RERG: variants seen among roughly 807,000 people sequenced by gnomAD.
The protein encoded by RERG is ras-related and estrogen-regulated growth inhibitor.
In RERG, 25 loss-of-function variants were observed where a neutral mutation model predicts 23.2. The ratio of observed to expected loss-of-function variants is 1.08; its 90% CI spans 0.79 to 1.50. RERG has a LOEUF of 1.50. Among genes scored for constraint, RERG ranks in the 40% most tolerant of loss-of-function variants. RERG has a pLI of 0.00. For synonymous variants in RERG, 81 were observed against 89.1 expected, an observed-to-expected ratio of 0.91 and a Z score of 0.51; for missense variants, 253 against 250.1, an observed-to-expected ratio of 1.01 and a Z score of -0.08.
At chr12:15,136,352 T>G (rs1224236303) in intron 2 of RERG, among the ~76,000 whole-genome samples, 3 of 152,036 alleles carry the variant, frequency 2.0e-5, no homozygotes, top group Non-Finnish European at 4.4e-5. Flanking sequence ...AATGTTTAGT[T>G]TTGTTAATTT....
intron 2 of RERG, among the ~76,000 whole-genome samples, chr12:15,182,503 A>C (rs971921733): frequency 6.6e-6 from 1 of 152,148 alleles, no homozygotes; most frequent in African/African-American, 2.4e-5. Context: ...AAATAATCGA[A>C]TATTGACTCA....
intron 2 of RERG, among the ~76,000 whole-genome samples, chr12:15,212,753 T>C (rs1591672724): frequency 6.6e-6 from 1 of 152,160 alleles, no homozygotes; most frequent in African/African-American, 2.4e-5. Context: ...TTATTATATA[T>C]ATGTGAGATC....
rs545512815 is a variant in RERG, at chr12:15,181,244, C to G, written c.61+36185G>C. Among the ~76,000 whole-genome samples the G allele has an allele frequency of 5.6e-4, 85 of 152,322 alleles. 2 individuals are homozygous for G. The South Asian group carries it at 0.017, about 30-fold the overall frequency. On this transcript the variant is annotated intron_variant, in intron 2 of 4. Coordinates refer to ENST00000256953, the MANE Select transcript of RERG (RefSeq NM_032918.3). Reference sequence around the variant, plus strand: ...ATGTGGATTTAACCCAGAAACCCAACAGCCAGCAAGCTAGTCTTCTTCATC... The same window carrying G: ...ATGTGGATTTAACCCAGAAACCCAAGAGCCAGCAAGCTAGTCTTCTTCATC...
intron 2 of RERG, among the ~76,000 whole-genome samples, chr12:15,166,742 A>G (rs1289207425): frequency 6.7e-6 from 1 of 150,278 alleles, no homozygotes; most frequent in Non-Finnish European, 1.5e-5. Flanking sequence ...TGTGTCAACC[A>G]CTATACTGCC....
At chr12:15,133,847 A>G (rs1395552752) in intron 2 of RERG, among the ~76,000 whole-genome samples, 3 of 152,126 alleles carry the variant, frequency 2.0e-5, no homozygotes, top group African/African-American at 7.2e-5. Flanking sequence ...CAATTCCTAA[A>G]TGATACATGA....
At chr12:15,156,716 C>T (rs534869468) in intron 2 of RERG, among the ~76,000 whole-genome samples, 27 of 152,148 alleles carry the variant, frequency 1.8e-4, no homozygotes, top group African/African-American at 6.0e-4. Flanking sequence ...CATTGCTTTG[C>T]GAGTCCTCAG....
chr12:15,198,471 A>G (rs986859806), intron 2 of RERG, among the ~76,000 whole-genome samples: 4 of 152,166 alleles, frequency 2.6e-5, no homozygotes, highest in South Asian at 4.1e-4. Flanking sequence ...ATAGGCTCAG[A>G]AACTTCACTC....
intron 2 of RERG, among the ~76,000 whole-genome samples, chr12:15,207,241 T>C (rs2136145010): frequency 6.6e-6 from 1 of 152,186 alleles, no homozygotes; most frequent in South Asian, 2.1e-4. Flanking sequence ...AAAACAAACA[T>C]TTCCAGATGA....
At chr12:15,130,084 T>C (rs1864018991) in intron 2 of RERG, among the ~76,000 whole-genome samples, 1 of 152,202 alleles carries the variant, frequency 6.6e-6, no homozygotes, top group Non-Finnish European at 1.5e-5. Flanking sequence ...ATGTAGAGAA[T>C]TGCCATCCAT....
intron 3 of RERG, among the ~76,000 whole-genome samples, chr12:15,114,911 C>T (rs1043858860): frequency 6.6e-6 from 1 of 152,110 alleles, no homozygotes; most frequent in African/African-American, 2.4e-5. Flanking sequence ...TGAGAACCAC[C>T]AATTTAAAGG....
intron 2 of RERG, among the ~76,000 whole-genome samples, chr12:15,162,562 T>TTACATAAA (rs1247664096): frequency 1.3e-5 from 2 of 152,152 alleles, no homozygotes; most frequent in Non-Finnish European, 2.9e-5. Context: ...TATACATCCA[T>TTACATAAA]TGGTCAAAAC....
chr12:15,135,947 A>G (rs1392766460), intron 2 of RERG, among the ~76,000 whole-genome samples: 2 of 151,940 alleles, frequency 1.3e-5, no homozygotes, highest in African/African-American at 2.4e-5. Flanking sequence ...CTTTGCTTCT[A>G]TTTTCTGGAA....
chr12:15,137,139 A>T (rs907409643), intron 2 of RERG, among the ~76,000 whole-genome samples: 3 of 151,782 alleles, frequency 2.0e-5, no homozygotes, highest in Non-Finnish European at 4.4e-5. Context: ...TGGATAATTA[A>T]CCCTTTTATC....
chr12:15,132,271 G>A (rs1864061245), intron 2 of RERG, among the ~76,000 whole-genome samples: 1 of 152,124 alleles, frequency 6.6e-6, no homozygotes, highest in Admixed American at 6.5e-5. Context: ...TACTAAATGT[G>A]TCCAATAATA....
chr12:15,118,569 C>T (rs939637189), intron 3 of RERG, among the ~76,000 whole-genome samples: 2 of 152,054 alleles, frequency 1.3e-5, no homozygotes, highest in African/African-American at 4.8e-5. Flanking sequence ...ATTTGTCATC[C>T]CAAATGTTAG....
chr12:15,165,987 G>C (rs559202822), intron 2 of RERG, among the ~76,000 whole-genome samples: 1 of 152,298 alleles, frequency 6.6e-6, no homozygotes, highest in African/African-American at 2.4e-5. Context: ...TAGTATAAGA[G>C]ACTGGGAGAG....
chr12:15,145,347 G>C (rs918098), intron 2 of RERG, among the ~76,000 whole-genome samples: 2 of 152,072 alleles, frequency 1.3e-5, no homozygotes, highest in African/African-American at 2.4e-5. Flanking sequence ...CTGGTTAGCT[G>C]TGAAGAAGTT....
chr12:15,215,642 G>T (rs891008273), intron 2 of RERG, among the ~76,000 whole-genome samples: 4 of 152,160 alleles, frequency 2.6e-5, no homozygotes, highest in African/African-American at 7.2e-5. Flanking sequence ...GTTAAAAAAA[G>T]ATAAGACAGT....
At chr12:15,159,559 C>T (rs959511861) in intron 2 of RERG, among the ~76,000 whole-genome samples, 1 of 152,164 alleles carries the variant, frequency 6.6e-6, no homozygotes, top group Non-Finnish European at 1.5e-5. Context: ...CACGGTGGCT[C>T]ACGCCTGTAA....
Sources: gnomAD v4.1 joint callset for allele counts (sites outside exome capture counted in the v4.1 genomes callset) on GRCh38, gnomAD v4.1.1 for gene constraint, MANE v1.5 for transcripts, NCBI Gene and HGNC (gene_info 2026-07-23, HGNC 2026-07-21) for gene names.